Variants in GDPD5 observed in about 807,000 individuals in gnomAD.
GDPD5 encodes the protein glycerophosphodiester phosphodiesterase 2.
A neutral mutation model predicts 75.1 loss-of-function variants in GDPD5; 48 were observed. The observed-to-expected ratio is 0.64, with a 90% CI of 0.51 to 0.81. The LOEUF (loss-of-function observed/expected upper bound fraction) is 0.81. Among genes scored for constraint, GDPD5 ranks in the 40% least tolerant of loss-of-function variants. The pLI, the probability that GDPD5 is intolerant of heterozygous loss-of-function variation, is 0.00. For missense variants in GDPD5, 706 were observed against 822.6 expected, an observed-to-expected ratio of 0.86 and a Z score of 1.73; for synonymous variants, 336 against 339.0, an observed-to-expected ratio of 0.99 and a Z score of 0.10.
intron 1 of GDPD5, among the ~76,000 whole-genome samples, chr11:75,503,996 A>T (rs903765188): frequency 2.0e-5 from 3 of 152,224 alleles, no homozygotes; most frequent in African/African-American, 7.2e-5. Flanking sequence ...CCCAGGCTGG[A>T]GAGCCAAGTT....
Position 75,462,843 on chromosome 11 carries a change from G to C in GDPD5, c.164C>G (p.Thr55Arg). ...CCACCAGAAGTAAAGCCAGGTGAGCGTGAGGCCAAAGGTGAAGGTGAGGAG... is the reference window on the plus strand; with the variant it reads ...CCACCAGAAGTAAAGCCAGGTGAGCCTGAGGCCAAAGGTGAAGGTGAGGAG... The part of the protein sequence containing the change: ...FLLLTFTFGL[T>R]LTWLYFWWEV... The change falls in exon 4 of 17, where the codon ACG becomes AGG. Residue 55 changes from threonine to arginine, a missense_variant. By Grantham distance (71) the Thr-to-Arg change is moderately conservative (BLOSUM62 -1). Transcript: ENST00000336898. The C allele has an allele frequency of 6.2e-7, 1 of 1,614,116 alleles. No homozygotes were observed. Among genetic ancestry groups the C allele is most frequent in the South Asian group, 1.1e-5 (1 of 91,062 alleles).
Position 75,441,187 on chromosome 11 carries a change from C to G in GDPD5, c.1449G>C (p.Gln483His), listed in dbSNP as rs1948789044. The change falls in exon 14 of 17, where the codon CAG (glutamine) becomes CAC (histidine). Residue 483 changes from glutamine to histidine, a missense_variant. Coordinates refer to ENST00000336898, the MANE Select transcript of GDPD5 (RefSeq NM_030792.8). ...VTSDNSHALS[Q>H]VPSPLWIMPP... Reference sequence around the variant, plus strand: ...CCATGATCCAGAGGGGGGAAGGCACCTGGGACAGGGCGTGGGAGTTGTCAG... The same window carrying G: ...CCATGATCCAGAGGGGGGAAGGCACGTGGGACAGGGCGTGGGAGTTGTCAG... 1.2e-6 allele frequency: 2 copies of G among 1,613,818 alleles called. No homozygotes were observed. Among genetic ancestry groups the G allele is most frequent in the African/African-American group, 2.7e-5 (2 of 74,928 alleles).
At position 75,450,557 on chromosome 11, in the gene GDPD5, C is replaced by G. The variant is rs77890178; in HGVS notation, c.376-574G>C. On this transcript the variant is annotated intron_variant, in intron 6 of 16. Coordinates refer to ENST00000336898, the MANE Select transcript of GDPD5 (RefSeq NM_030792.8). ...TCGCCACCTGCCCCATCTCCACGGC[C>G]TGCCCTCTCCCGGACTCCCAGCATC... is the stretch of plus-strand genomic sequence containing the variant. 9.3e-3 allele frequency: 1,458 copies of G among 156,024 alleles called. 24 individuals carry two copies. The highest frequency in any genetic ancestry group is 0.034 in the African/African-American group (1,408 of 41,548). The allele number at this position is 156,024 out of a possible 1,614,324, so 9.7% of individuals were successfully genotyped here.
chr11:75,504,695 G>C (rs1950358773), intron 1 of GDPD5, among the ~76,000 whole-genome samples: 1 of 152,196 alleles, frequency 6.6e-6, no homozygotes. Context: ...TAGGTATAGA[G>C]TCTCAGTTTT....
At chr11:75,506,254 C>A (rs903418787) in intron 1 of GDPD5, among the ~76,000 whole-genome samples, 2 of 152,164 alleles carry the variant, frequency 1.3e-5, no homozygotes, top group African/African-American at 4.8e-5. Context: ...TGGGCTCTTC[C>A]CAGAAGACAC....
intron 6 of GDPD5, chr11:75,451,081 G>A (rs1261309061): frequency 6.6e-6 from 1 of 152,330 alleles, no homozygotes; most frequent in African/African-American, 2.4e-5. Flanking sequence ...CTCTGATGCC[G>A]AGCAGGGACA....
rs1948594664 is a variant in GDPD5, at chr11:75,435,250, C to A, written c.*257G>T. On this transcript the variant is annotated 3_prime_UTR_variant, in exon 17 of 17. Coordinates refer to ENST00000336898, the MANE Select transcript of GDPD5 (RefSeq NM_030792.8). The stretch of plus-strand genomic sequence containing the variant: ...GGAGAGGGCCTCAGAAGAGGGGGAC[C>A]AAGCCCTAGGCCCCATACTTCCCAG... 2 of 403,334 alleles carry A rather than the reference C, an allele frequency of 5.0e-6. No individual in the cohort carries two copies. Among genetic ancestry groups the A allele is most frequent in the Admixed American group, 3.8e-5 (1 of 26,068 alleles). 25.0% of individuals were successfully genotyped at this position (403,334 alleles called of 1,614,324 possible). A position where few individuals can be genotyped will look rare whatever the true frequency, so the allele number is the denominator to read the frequency against.
chr11:75,522,611 C>G (rs138782132), intron 1 of GDPD5, among the ~76,000 whole-genome samples: 53 of 152,210 alleles, frequency 3.5e-4, no homozygotes, highest in African/African-American at 1.2e-3. Flanking sequence ...ATCATCAACC[C>G]CAGCTCTCTC....
intron 9 of GDPD5, among the ~76,000 whole-genome samples, chr11:75,447,997 C>A (rs1049078954): frequency 6.6e-6 from 1 of 152,272 alleles, no homozygotes; most frequent in Middle Eastern, 3.4e-3. Context: ...AAAATAATAC[C>A]CACCACATGC....
intron 1 of GDPD5, among the ~76,000 whole-genome samples, chr11:75,492,827 G>A (rs1440167064): frequency 2.0e-5 from 3 of 152,102 alleles, no homozygotes; most frequent in African/African-American, 7.2e-5. Context: ...CCACCTCTTG[G>A]GTTCAAGTGA....
intron 3 of GDPD5, among the ~76,000 whole-genome samples, chr11:75,467,800 T>C (rs935356639): frequency 3.3e-5 from 5 of 152,122 alleles, no homozygotes; most frequent in Non-Finnish European, 7.4e-5. Context: ...ATTATTACCC[T>C]AACCCTCCAG....
intron 6 of GDPD5, chr11:75,455,386 G>C: frequency 2.2e-6 from 1 of 456,548 alleles, no homozygotes; most frequent in Non-Finnish European, 4.4e-6. Flanking sequence ...GAGGAAGGTG[G>C]GGGGACCAGG....
chr11:75,448,925 C>CG, intron 9 of GDPD5, 52 bp downstream of exon 9: 1 of 1,513,224 alleles, frequency 6.6e-7, no homozygotes, highest in African/African-American at 1.4e-5. Context: ...GAAGGTCCCC[C>CG]CCATCGCACC....
intron 15 of GDPD5, chr11:75,437,339 C>T: frequency 2.4e-6 from 1 of 415,930 alleles, no homozygotes; most frequent in East Asian, 4.2e-5. Flanking sequence ...CCCAGTAATG[C>T]ACCTGGCTCT....
chr11:75,441,177 GGGAAGGCACCT>G lies in GDPD5; in HGVS notation c.1448_1458del (p.Gln483ProfsTer45). 6.2e-7 allele frequency: 1 copy of G among 1,613,846 alleles called. No homozygotes were observed. Reference sequence around the variant, plus strand: ...CCCCAACTCACCATGATCCAGAGGGGGGAAGGCACCTGGGACAGGGCGTGGGAGTTGTCAGA... The same window carrying G: ...CCCCAACTCACCATGATCCAGAGGGGGGGACAGGGCGTGGGAGTTGTCAGA... On this transcript the variant is annotated frameshift_variant, in exon 14 of 17. Transcript: ENST00000336898. LOFTEE classifies it high-confidence loss of function.
intron 1 of GDPD5, among the ~76,000 whole-genome samples, chr11:75,498,425 G>A (rs1247185899): frequency 6.6e-6 from 1 of 152,112 alleles, no homozygotes; most frequent in Non-Finnish European, 1.5e-5. Context: ...GGGCCACAGT[G>A]GCTTTGATGT....
intron 15 of GDPD5, among the ~76,000 whole-genome samples, chr11:75,439,120 G>A (rs761072664): frequency 5.9e-5 from 9 of 152,298 alleles, no homozygotes; most frequent in Non-Finnish European, 8.8e-5. Flanking sequence ...CTGCAGAAAC[G>A]GCCGTGGGAA....
intron 1 of GDPD5, among the ~76,000 whole-genome samples, chr11:75,496,439 G>A (rs1183741251): frequency 6.6e-6 from 1 of 152,252 alleles, no homozygotes; most frequent in Non-Finnish European, 1.5e-5. Flanking sequence ...TCCTGGCTTG[G>A]CCACTAGAAG....
At chr11:75,510,887 A>T (rs1237255801) in intron 1 of GDPD5, among the ~76,000 whole-genome samples, 1 of 152,234 alleles carries the variant, frequency 6.6e-6, no homozygotes, top group Non-Finnish European at 1.5e-5. Context: ...AAGAAGGTAC[A>T]GCTCCGCTGA....
Sources: allele counts gnomAD v4.1 joint callset (sites outside exome capture counted in the v4.1 genomes callset), GRCh38; gene constraint gnomAD v4.1.1; transcripts MANE v1.5; gene names NCBI Gene and HGNC (gene_info 2026-07-23, HGNC 2026-07-21).